Variants in SPTLC2 observed in about 807,000 individuals in gnomAD.
SPTLC2 encodes the protein serine palmitoyltransferase long chain base subunit 2.
In SPTLC2, 21 loss-of-function variants were observed where a neutral mutation model predicts 62.0. The ratio of observed to expected loss-of-function variants is 0.34; its 90% CI spans 0.24 to 0.49. The LOEUF (loss-of-function observed/expected upper bound fraction) is 0.49. Among genes scored for constraint, SPTLC2 ranks in the 20% least tolerant of loss-of-function variants. The probability of loss-of-function intolerance (pLI) is 0.99; values close to 1 mark genes in which losing one functional copy is unlikely to be tolerated. For missense variants in SPTLC2, 511 were observed against 713.0 expected (o/e 0.72, Z 3.23); for synonymous variants, 261 against 261.8 (o/e 1.00, Z 0.03).
intron 9 of SPTLC2, among the ~76,000 whole-genome samples, chr14:77,546,694 G>C (rs938965067): frequency 7.2e-5 from 11 of 152,096 alleles, no homozygotes; most frequent in Admixed American, 4.6e-4. Flanking sequence ...ACTATGTAGA[G>C]AGTAGTTGCT....
At chr14:77,537,487 A>G (rs1257223581) in intron 9 of SPTLC2, among the ~76,000 whole-genome samples, 1 of 152,236 alleles carries the variant, frequency 6.6e-6, no homozygotes, top group African/African-American at 2.4e-5. Context: ...AACTCCCCCA[A>G]GAACACTGAG....
At chr14:77,530,331 T>C (rs1310004268) in intron 9 of SPTLC2, among the ~76,000 whole-genome samples, 1 of 150,596 alleles carries the variant, frequency 6.6e-6, no homozygotes, top group East Asian at 1.9e-4. Context: ...AAAAAAAATA[T>C]TTATTTATTT....
intron 9 of SPTLC2, among the ~76,000 whole-genome samples, chr14:77,550,650 C>T (rs1383173644): frequency 6.8e-6 from 1 of 147,716 alleles, no homozygotes; most frequent in African/African-American, 2.6e-5. Context: ...AGCTGTAATT[C>T]CAGCACGTTG....
At chr14:77,588,568 C>T (rs910286480) in intron 2 of SPTLC2, among the ~76,000 whole-genome samples, 3 of 151,458 alleles carry the variant, frequency 2.0e-5, no homozygotes, top group South Asian at 2.1e-4. Context: ...TGGTAGCGTG[C>T]GCCTCTAGTC....
intron 6 of SPTLC2, 128 bp from the exon 7 acceptor site, chr14:77,557,274 G>A (rs1405533677): frequency 1.3e-6 from 1 of 791,496 alleles, no homozygotes; most frequent in Non-Finnish European, 2.0e-6. Context: ...TTAGAGTTGG[G>A]CAGAAAAAAG....
chr14:77,576,319 A>G (rs899054770), intron 4 of SPTLC2, among the ~76,000 whole-genome samples: 15 of 152,222 alleles, frequency 9.9e-5, no homozygotes, highest in African/African-American at 3.6e-4. Flanking sequence ...TTTATTGTCT[A>G]CTATGTTCCA....
In SPTLC2 at chr14:77,528,388, T is replaced by C. The variant is rs987288656; in HGVS notation, c.1304-6807A>G. 2.6e-5 allele frequency among the ~76,000 whole-genome samples: 4 copies of C among 152,070 alleles called. No individual in the cohort carries two copies. In the South Asian group the frequency reaches 8.3e-4, roughly 32 times the overall value. The stretch of plus-strand genomic sequence containing the variant: ...CTGGGATTACAGGCATGTGCCACCA[T>C]GCCTGGCTAATTTCGTATTTTTAGT... On this transcript the variant is annotated intron_variant, in intron 9 of 11. Transcript: ENST00000216484.
chr14:77,515,675 G>A lies in SPTLC2; in HGVS notation c.1569+2363C>T, dbSNP rs142089174. ...AGTGGTTCTTCCGCCTCAGTCTCCC[G>A]AGTAGCTGGGATTACAGGTGCCCCC... On this transcript the variant is annotated intron_variant, in intron 11 of 11. Transcript: ENST00000216484. 6.0e-3 allele frequency among the ~76,000 whole-genome samples: 896 copies of A among 150,114 alleles called. 15 individuals carry two copies. Among genetic ancestry groups the A allele is most frequent in the African/African-American group, 0.021 (836 of 40,416 alleles).
Position 77,559,749 on chromosome 14 carries a change from G to A in SPTLC2, c.851-2603C>T, listed in dbSNP as rs916821117. On this transcript the variant is annotated intron_variant, in intron 6 of 11. Transcript: ENST00000216484. ...TATAAAAAATAAAAAACACTAGTCC[G>A]GCATGGTGGTGGATGCCTACAGTCC... Among the ~76,000 whole-genome samples the A allele has an allele frequency of 3.3e-5, 5 of 151,996 alleles. No homozygotes were observed. The East Asian group carries it at 5.8e-4, about 18-fold the overall frequency.
At chr14:77,516,307 T>C (rs1245303021) in intron 11 of SPTLC2, among the ~76,000 whole-genome samples, 8 of 152,204 alleles carry the variant, frequency 5.3e-5, no homozygotes, top group African/African-American at 1.9e-4. Flanking sequence ...TCTCCTTAGA[T>C]ATCCTAAGGA....
intron 11 of SPTLC2, among the ~76,000 whole-genome samples, chr14:77,516,175 C>CA (rs1372971368): frequency 6.6e-6 from 1 of 152,028 alleles, no homozygotes; most frequent in African/African-American, 2.4e-5. Context: ...TCCATGGTTT[C>CA]AAAAAATGCA....
At chr14:77,554,438 G>A (rs561450752) in intron 8 of SPTLC2, among the ~76,000 whole-genome samples, 10 of 152,158 alleles carry the variant, frequency 6.6e-5, no homozygotes, top group Non-Finnish European at 7.4e-5. Flanking sequence ...CTCCGCCTCC[G>A]GCAACTACTA....
At chr14:77,519,811 ACCT>A (rs2079377168) in intron 10 of SPTLC2, among the ~76,000 whole-genome samples, 1 of 152,140 alleles carries the variant, frequency 6.6e-6, no homozygotes, top group Non-Finnish European at 1.5e-5. Flanking sequence ...GTCAGCATGA[ACCT>A]GGGTGCCCTG....
intron 9 of SPTLC2, among the ~76,000 whole-genome samples, chr14:77,532,784 AAAAAAT>A (rs1229573519): frequency 2.0e-5 from 3 of 146,930 alleles, no homozygotes; most frequent in South Asian, 2.2e-4. Context: ...ACTCTGTCTC[AAAAAAT>A]AAAAATAAAA....
chr14:77,539,390 T>C (rs2140007441), intron 9 of SPTLC2, among the ~76,000 whole-genome samples: 1 of 151,040 alleles, frequency 6.6e-6, no homozygotes, highest in Admixed American at 6.6e-5. Context: ...AAAAGAAGGA[T>C]CTAAGTGGTA....
intron 2 of SPTLC2, among the ~76,000 whole-genome samples, chr14:77,584,450 C>G (rs574411300): frequency 2.0e-4 from 30 of 152,248 alleles, no homozygotes; most frequent in African/African-American, 7.2e-4. Flanking sequence ...GCTTTACATG[C>G]ACACATATTT....
intron 1 of SPTLC2, among the ~76,000 whole-genome samples, chr14:77,604,759 C>T (rs973730831): frequency 1.3e-5 from 2 of 149,642 alleles, no homozygotes; most frequent in African/African-American, 2.5e-5. Flanking sequence ...CCCAGCTACT[C>T]GGGAGGCTGA....
At chr14:77,515,426 T>G (rs1594966176) in intron 11 of SPTLC2, among the ~76,000 whole-genome samples, 1 of 152,206 alleles carries the variant, frequency 6.6e-6, no homozygotes, top group East Asian at 1.9e-4. Context: ...ACACAGGATG[T>G]CATTCCATTT....
intron 7 of SPTLC2, 80 bp downstream of exon 7, chr14:77,556,961 A>G: frequency 1.8e-6 from 2 of 1,127,680 alleles, no homozygotes; most frequent in Non-Finnish European, 1.3e-6. Context: ...AGGGGGATAG[A>G]CTAATGTTCC....
Sources: allele counts gnomAD v4.1 joint callset (sites outside exome capture counted in the v4.1 genomes callset), GRCh38; gene constraint gnomAD v4.1.1; transcripts MANE v1.5; gene names NCBI Gene and HGNC (gene_info 2026-07-23, HGNC 2026-07-21).